Variants in PRELID2 observed in about 807,000 individuals in gnomAD.
PRELID2 encodes PRELI domain containing 2, also known as PRELI domain-containing protein 2.
In PRELID2, 25 loss-of-function variants were observed where a neutral mutation model predicts 28.4. That is an observed-to-expected ratio of 0.88 (90% CI 0.64 to 1.23). The LOEUF (loss-of-function observed/expected upper bound fraction) is 1.23, where lower values mean the gene tolerates loss of function less well. Ranked by LOEUF, PRELID2 falls within the 50% of genes most tolerant of loss-of-function variation. The pLI is 0.00. For synonymous variants in PRELID2, 76 were observed against 71.6 expected (o/e 1.06, Z -0.31); for missense variants, 201 against 214.4 (o/e 0.94, Z 0.39).
At chr5:145,474,529 C>T (rs1333836301) in intron 1 of PRELID2, among the ~76,000 whole-genome samples, 2 of 152,150 alleles carry the variant, frequency 1.3e-5, no homozygotes, top group East Asian at 1.9e-4. Context: ...GCACTCATAC[C>T]TTCAGAACCC....
intron 1 of PRELID2, among the ~76,000 whole-genome samples, chr5:145,516,822 G>C (rs1752521462): frequency 6.6e-6 from 1 of 151,496 alleles, no homozygotes; most frequent in Non-Finnish European, 1.5e-5. Flanking sequence ...AGAGCACTCA[G>C]AAGTAATGCC....
intron 1 of PRELID2, among the ~76,000 whole-genome samples, chr5:145,635,415 A>G (rs1753986884): frequency 6.6e-6 from 1 of 152,174 alleles, no homozygotes. Context: ...TATTTAATAT[A>G]ATATATACCA....
the PRELID2 span, among the ~76,000 whole-genome samples, chr5:145,306,871 T>C: frequency 6.6e-6 from 1 of 152,218 alleles, no homozygotes; most frequent in South Asian, 2.1e-4. Context: ...ATTTTACCAA[T>C]GTTTATCCAT....
At chr5:145,379,717 G>A in the PRELID2 span, among the ~76,000 whole-genome samples, 1 of 152,096 alleles carries the variant, frequency 6.6e-6, no homozygotes, top group East Asian at 1.9e-4. Context: ...GAGTTGCTGT[G>A]GGCCAAGGGG....
chr5:145,531,589 G>A, intron 1 of PRELID2, among the ~76,000 whole-genome samples: 1 of 152,162 alleles, frequency 6.6e-6, no homozygotes, highest in Non-Finnish European at 1.5e-5. Context: ...GAAAGACAAG[G>A]AATCTGGAAG....
At chr5:145,797,272 A>G (rs909304486) in intron 4 of PRELID2, among the ~76,000 whole-genome samples, 1 of 151,880 alleles carries the variant, frequency 6.6e-6, no homozygotes, top group Non-Finnish European at 1.5e-5. Context: ...TGCCTTTATG[A>G]GAACTCCCTC....
chr5:145,422,699 T>C, the PRELID2 span, among the ~76,000 whole-genome samples: 3 of 152,106 alleles, frequency 2.0e-5, no homozygotes, highest in East Asian at 5.8e-4. Flanking sequence ...AATTTGCCAG[T>C]GTGTGTCTTT....
intron 1 of PRELID2, among the ~76,000 whole-genome samples, chr5:145,660,781 G>A (rs765557527): frequency 2.0e-5 from 3 of 152,068 alleles, no homozygotes; most frequent in Admixed American, 6.6e-5. Context: ...AGCACTATAC[G>A]AAAGAAGATA....
the PRELID2 span, among the ~76,000 whole-genome samples, chr5:145,297,091 A>G: frequency 6.6e-6 from 1 of 152,038 alleles, no homozygotes; most frequent in Non-Finnish European, 1.5e-5. Context: ...TCTGGATATT[A>G]GCCCTTTGTC....
At chr5:145,489,483 A>C (rs1752248945) in intron 1 of PRELID2, among the ~76,000 whole-genome samples, 2 of 152,214 alleles carry the variant, frequency 1.3e-5, no homozygotes, top group African/African-American at 2.4e-5. Context: ...TCCATTATAC[A>C]GATGAGGGAA....
the PRELID2 span, among the ~76,000 whole-genome samples, chr5:145,414,585 A>G: frequency 3.9e-5 from 6 of 152,234 alleles, no homozygotes; most frequent in South Asian, 4.1e-4. Context: ...AAGTAACTAG[A>G]AGAGTGGTAG....
At chr5:145,302,883 T>C in the PRELID2 span, among the ~76,000 whole-genome samples, 14 of 152,232 alleles carry the variant, frequency 9.2e-5, no homozygotes, top group African/African-American at 2.7e-4. Context: ...AGCTGACCAC[T>C]AGCTTGTTTG....
At chr5:145,552,497 C>A (rs1470761725) in intron 1 of PRELID2, among the ~76,000 whole-genome samples, 1 of 152,106 alleles carries the variant, frequency 6.6e-6, no homozygotes, top group East Asian at 1.9e-4. Flanking sequence ...AAGAGACACA[C>A]ACTGTCTCCC....
intron 1 of PRELID2, among the ~76,000 whole-genome samples, chr5:145,486,347 G>A (rs190717512): frequency 3.0e-4 from 45 of 152,226 alleles, no homozygotes; most frequent in African/African-American, 1.0e-3. Context: ...TGTTCATCAC[G>A]TTATCCCCAG....
chr5:145,535,051 G>T (rs913061959), intron 1 of PRELID2, among the ~76,000 whole-genome samples: 1 of 151,858 alleles, frequency 6.6e-6, no homozygotes, highest in Admixed American at 6.6e-5. Flanking sequence ...CCATTCCACA[G>T]AATTATAGAC....
At chr5:145,450,719 C>A in the PRELID2 span, 1 of 152,098 alleles carries the variant, frequency 6.6e-6, no homozygotes. Flanking sequence ...TGAATGCATA[C>A]CAAAGGACAC....
At chr5:145,559,849 A>AAAGAAGAAG (rs1554076315) in intron 1 of PRELID2, among the ~76,000 whole-genome samples, 2 of 148,654 alleles carry the variant, frequency 1.3e-5, no homozygotes, top group African/African-American at 5.1e-5. Flanking sequence ...AAAAAAAAAA[A>AAAGAAGAAG]AAGAAGAAGA....
At chr5:145,573,843 G>A (rs1308479785) in intron 1 of PRELID2, among the ~76,000 whole-genome samples, 1 of 152,120 alleles carries the variant, frequency 6.6e-6, no homozygotes, top group Non-Finnish European at 1.5e-5. Context: ...AAGGGGAGTG[G>A]AGGAACCCAC....
At chr5:145,259,654 C>T in the PRELID2 span, among the ~76,000 whole-genome samples, 19 of 152,222 alleles carry the variant, frequency 1.2e-4, no homozygotes, top group Non-Finnish European at 2.2e-4. Flanking sequence ...GTGCCTGTTC[C>T]CCCATTGTAT....
Sources: gnomAD v4.1 joint callset for allele counts (sites outside exome capture counted in the v4.1 genomes callset) on GRCh38, gnomAD v4.1.1 for gene constraint, MANE v1.5 for transcripts, NCBI Gene and HGNC (gene_info 2026-07-23, HGNC 2026-07-21) for gene names.